Variants in TMEM178A observed in about 807,000 individuals in gnomAD.
The protein encoded by TMEM178A is transmembrane protein 178.
In TMEM178A, 12 loss-of-function variants were observed where a neutral mutation model predicts 29.1. That is an observed-to-expected ratio of 0.41 (90% confidence interval 0.26 to 0.67). TMEM178A has a LOEUF of 0.67. Among genes scored for constraint, TMEM178A ranks in the 30% least tolerant of loss-of-function variants. The pLI is 0.29. For missense variants in TMEM178A, 366 were observed against 419.1 expected (o/e 0.87, Z 1.11); for synonymous variants, 210 against 187.2 (o/e 1.12, Z -0.99).
intron 1 of TMEM178A, among the ~76,000 whole-genome samples, chr2:39,687,685 G>T (rs1314641052): frequency 6.6e-6 from 1 of 152,208 alleles, no homozygotes; most frequent in Admixed American, 6.5e-5. Context: ...TTCTGCTTCA[G>T]TGTGGGTAGA....
At chr2:39,723,045 C>T in the TMEM178A span, among the ~76,000 whole-genome samples, 1 of 152,196 alleles carries the variant, frequency 6.6e-6, no homozygotes, top group African/African-American at 2.4e-5. Flanking sequence ...CACAAAGGGC[C>T]TGGGCTCCCT....
chr2:39,679,468 C>CA (rs1181455487), intron 1 of TMEM178A, among the ~76,000 whole-genome samples: 4 of 150,630 alleles, frequency 2.7e-5, no homozygotes, highest in South Asian at 4.2e-4. Context: ...TTGAAGTATT[C>CA]AAAAAAAATC....
chr2:39,665,880 G>A (rs1453326298), upstream of TMEM178A: 1 of 1,096,274 alleles, frequency 9.1e-7, no homozygotes, highest in Non-Finnish European at 1.2e-6. Context: ...CAGGTGGGGG[G>A]AAGAGGGAGG....
Position 39,717,381 on chromosome 2 carries a change from T to C in TMEM178A, c.*130T>C. ...CTGCCAGCCCTTTCTGGATTACTGA[T>C]AGAAAATCATGCAAAACCTCCCAAC... On this transcript the variant is annotated 3_prime_UTR_variant, in exon 4 of 4. Coordinates refer to ENST00000281961, the MANE Select transcript of TMEM178A (RefSeq NM_152390.3). The C allele has an allele frequency of 1.5e-6, 2 of 1,348,534 alleles. No individual in the cohort carries two copies. The highest frequency in any genetic ancestry group is 1.5e-5 in the African/African-American group (1 of 68,064). The allele number at this position is 1,348,534 out of a possible 1,614,324, so 83.5% of individuals were successfully genotyped here.
At chr2:39,731,400 G>A in the TMEM178A span, among the ~76,000 whole-genome samples, 2 of 152,178 alleles carry the variant, frequency 1.3e-5, no homozygotes, top group Non-Finnish European at 2.9e-5. Flanking sequence ...TGCCACATCT[G>A]GTCAGTTTCT....
intron 1 of TMEM178A, among the ~76,000 whole-genome samples, chr2:39,680,951 AT>A: frequency 6.7e-6 from 1 of 149,530 alleles, no homozygotes; most frequent in African/African-American, 2.6e-5. Flanking sequence ...AATCACTTTA[AT>A]TTAATTTGTA....
At chr2:39,687,227 A>G (rs536430260) in intron 1 of TMEM178A, 10 of 166,998 alleles carry the variant, frequency 6.0e-5, no homozygotes, top group East Asian at 3.9e-4. Flanking sequence ...TTTAGGGTCA[A>G]GCACCTGATA....
At chr2:39,674,783 T>C (rs1245259753) in intron 1 of TMEM178A, among the ~76,000 whole-genome samples, 1 of 152,208 alleles carries the variant, frequency 6.6e-6, no homozygotes, top group East Asian at 1.9e-4. Context: ...AGCCAGAAGA[T>C]ACCCGCTGAA....
intron 1 of TMEM178A, among the ~76,000 whole-genome samples, chr2:39,669,605 G>A (rs1212806720): frequency 6.6e-6 from 1 of 152,190 alleles, no homozygotes; most frequent in Non-Finnish European, 1.5e-5. Flanking sequence ...TTGACGTTTA[G>A]CCAGAACCTT....
downstream of TMEM178A, among the ~76,000 whole-genome samples, chr2:39,721,315 C>T (rs1672698008): frequency 6.6e-6 from 1 of 152,206 alleles, no homozygotes; most frequent in Admixed American, 6.5e-5. Context: ...AGCAAGATTT[C>T]TAATTGTCCT....
chr2:39,722,601 C>T (rs1672725711), downstream of TMEM178A, among the ~76,000 whole-genome samples: 1 of 152,100 alleles, frequency 6.6e-6, no homozygotes, highest in African/African-American at 2.4e-5. Flanking sequence ...AGTCCAGGCA[C>T]AAAGGGGAAA....
Position 39,717,394 on chromosome 2 carries a change from A to G in TMEM178A, c.*143A>G. The G allele has an allele frequency of 8.3e-7, 1 of 1,204,992 alleles. No individual in the cohort carries two copies. The highest frequency in any genetic ancestry group is 1.1e-6 in the Non-Finnish European group (1 of 885,684). The allele number at this position is 1,204,992 out of a possible 1,614,324, so 74.6% of individuals were successfully genotyped here. A position where few individuals can be genotyped will look rare whatever the true frequency, so the allele number is the denominator to read the frequency against. ...CTGGATTACTGATAGAAAATCATGC[A>G]AAACCTCCCAACCTTTCTAAGGACA... On this transcript the variant is annotated 3_prime_UTR_variant, in exon 4 of 4. Transcript: ENST00000281961.
downstream of TMEM178A, among the ~76,000 whole-genome samples, chr2:39,719,749 G>C (rs1672667159): frequency 1.3e-5 from 2 of 151,898 alleles, no homozygotes; most frequent in Non-Finnish European, 2.9e-5. Context: ...ACTTGTCCTT[G>C]GTTTATTTGC....
intron 1 of TMEM178A, among the ~76,000 whole-genome samples, chr2:39,683,501 C>T (rs1038458722): frequency 3.9e-5 from 6 of 152,168 alleles, no homozygotes; most frequent in African/African-American, 9.7e-5. Flanking sequence ...GACACAGCTT[C>T]CCTGTCCAGG....
At chr2:39,672,915 A>C (rs1354987998) in intron 1 of TMEM178A, among the ~76,000 whole-genome samples, 1 of 152,132 alleles carries the variant, frequency 6.6e-6, no homozygotes, top group Non-Finnish European at 1.5e-5. Flanking sequence ...CCCATTGAGA[A>C]AATGTCAATG....
chr2:39,706,901 G>C, intron 2 of TMEM178A, 148 bp from the exon 3 acceptor site: 1 of 849,676 alleles, frequency 1.2e-6, no homozygotes, highest in East Asian at 2.8e-5. Context: ...CCTGGGAAGA[G>C]TATTCCCTAT....
At chr2:39,666,637 C>T (rs1019099882) in intron 1 of TMEM178A, among the ~76,000 whole-genome samples, 9 of 152,192 alleles carry the variant, frequency 5.9e-5, no homozygotes, top group Non-Finnish European at 1.2e-4. Flanking sequence ...CCGCCTCTGT[C>T]TCCTTCTTTC....
the TMEM178A span, among the ~76,000 whole-genome samples, chr2:39,733,187 C>T: frequency 1.3e-5 from 2 of 152,364 alleles, no homozygotes; most frequent in African/African-American, 4.8e-5. Flanking sequence ...ACCACCACCA[C>T]ATCCGCCCAC....
intron 1 of TMEM178A, among the ~76,000 whole-genome samples, chr2:39,699,614 G>A (rs1260098598): frequency 2.0e-5 from 3 of 151,830 alleles, no homozygotes; most frequent in African/African-American, 4.8e-5. Flanking sequence ...GTGCCATCAT[G>A]CCTGGCTAAT....
Sources: allele counts gnomAD v4.1 joint callset (sites outside exome capture counted in the v4.1 genomes callset), GRCh38; gene constraint gnomAD v4.1.1; transcripts MANE v1.5; gene names NCBI Gene and HGNC (gene_info 2026-07-23, HGNC 2026-07-21).